Variants in ADAMTSL1 observed in about 807,000 individuals in gnomAD.
The protein encoded by ADAMTSL1 is ADAMTS-like protein 1.
In ADAMTSL1, 126 loss-of-function variants were observed where a neutral mutation model predicts 201.8. The observed-to-expected ratio is 0.62, with a 90% CI of 0.54 to 0.72. The LOEUF (loss-of-function observed/expected upper bound fraction) is 0.72. ADAMTSL1 is among the 30% of genes least tolerant of loss of function. The pLI is 0.00. For missense variants in ADAMTSL1, 2,679 were observed against 2,277.8 expected, an observed-to-expected ratio of 1.18 and a Z score of -3.59; for synonymous variants, 1,121 against 903.4, an observed-to-expected ratio of 1.24 and a Z score of -4.32.
intron 2 of ADAMTSL1, among the ~76,000 whole-genome samples, chr9:18,517,415 T>TA (rs1818420576): frequency 6.7e-6 from 1 of 149,800 alleles, no homozygotes; most frequent in African/African-American, 2.5e-5. Flanking sequence ...TCTTTTTTTT[T>TA]AATTTATTTT....
At chr9:18,051,532 A>T (rs988813043) in intron 1 of ADAMTSL1, among the ~76,000 whole-genome samples, 1 of 151,508 alleles carries the variant, frequency 6.6e-6, no homozygotes, top group Non-Finnish European at 1.5e-5. Flanking sequence ...AAAGATACAG[A>T]CAACTTTTTA....
chr9:18,570,336 C>G (rs1822218194), intron 3 of ADAMTSL1, among the ~76,000 whole-genome samples: 1 of 152,096 alleles, frequency 6.6e-6, no homozygotes, highest in Admixed American at 6.5e-5. Flanking sequence ...AATCTCTATA[C>G]AAATTATTTT....
chr9:18,786,052 C>T (rs1313783728), intron 19 of ADAMTSL1, among the ~76,000 whole-genome samples: 1 of 152,206 alleles, frequency 6.6e-6, no homozygotes, highest in Non-Finnish European at 1.5e-5. Flanking sequence ...AGTCTGTAAG[C>T]TTTTAAGTAA....
chr9:18,089,887 T>C (rs1823932392), intron 1 of ADAMTSL1, among the ~76,000 whole-genome samples: 1 of 152,212 alleles, frequency 6.6e-6, no homozygotes, highest in Admixed American at 6.5e-5. Context: ...AAATCTGTTA[T>C]AAGGGTAGAT....
At position 18,639,391 on chromosome 9, in the gene ADAMTSL1, A is replaced by G; in HGVS notation, c.814A>G (p.Thr272Ala). Residue 272 changes from threonine to alanine, a missense_variant, in exon 7 of 29, where the codon ACA becomes GCA. Physicochemically the swap from Thr to Ala is moderately conservative, Grantham distance 58. Coordinates refer to ENST00000380548, the MANE Select transcript of ADAMTSL1 (RefSeq NM_001040272.6). ...KEILRMAGPL[T>A]ADFIVKIRNS... ...GATACTGAGAATGGCTGGACCACTC[A>G]CAGCAGATTTCATTGTCAAGGTGAG... The G allele has an allele frequency of 6.2e-7, 1 of 1,612,638 alleles. No individual in the cohort carries two copies.
chr9:18,137,957 C>G (rs986505805), intron 1 of ADAMTSL1, among the ~76,000 whole-genome samples: 8 of 152,134 alleles, frequency 5.3e-5, no homozygotes, highest in Non-Finnish European at 1.0e-4. Context: ...TGAAGGATCT[C>G]AAGCTAGGGA....
chr9:18,832,079 C>T (rs1025084614), intron 23 of ADAMTSL1, among the ~76,000 whole-genome samples: 4 of 152,166 alleles, frequency 2.6e-5, no homozygotes, highest in African/African-American at 9.7e-5. Context: ...TGCTTTAAGA[C>T]TGATGACAGG....
At chr9:18,141,241 G>T (rs73422989) in intron 1 of ADAMTSL1, among the ~76,000 whole-genome samples, 7,676 of 152,212 alleles carry the variant, frequency 0.05, 226 homozygotes, top group Middle Eastern at 0.089. Context: ...AGTGAGAAGG[G>T]GAGGAGAGTG....
intron 2 of ADAMTSL1, among the ~76,000 whole-genome samples, chr9:18,209,470 A>G (rs1259340379): frequency 6.6e-6 from 1 of 152,178 alleles, no homozygotes; most frequent in Non-Finnish European, 1.5e-5. Flanking sequence ...AGACCATGGA[A>G]CCAAAACGCA....
At chr9:18,615,335 A>T (rs1328070445) in intron 4 of ADAMTSL1, among the ~76,000 whole-genome samples, 2 of 152,166 alleles carry the variant, frequency 1.3e-5, no homozygotes, top group African/African-American at 4.8e-5. Flanking sequence ...GAGGGGTAGG[A>T]GGTGACCGCA....
At chr9:18,875,370 T>C (rs895922729) in intron 23 of ADAMTSL1, among the ~76,000 whole-genome samples, 1 of 152,174 alleles carries the variant, frequency 6.6e-6, no homozygotes, top group Non-Finnish European at 1.5e-5. Context: ...TCTTTCAGAC[T>C]TTTTAATGTA....
intron 19 of ADAMTSL1, among the ~76,000 whole-genome samples, chr9:18,780,101 C>T (rs1821298677): frequency 6.6e-6 from 1 of 152,298 alleles, no homozygotes; most frequent in African/African-American, 2.4e-5. Context: ...CTGACAATTT[C>T]TTTGAGTGTT....
intron 2 of ADAMTSL1, among the ~76,000 whole-genome samples, chr9:18,276,288 C>T (rs1335012846): frequency 6.6e-6 from 1 of 151,920 alleles, no homozygotes; most frequent in Non-Finnish European, 1.5e-5. Flanking sequence ...TTTATACTAA[C>T]GTGTTGCTTC....
At chr9:18,282,534 T>C (rs1563856116) in intron 2 of ADAMTSL1, among the ~76,000 whole-genome samples, 2 of 152,256 alleles carry the variant, frequency 1.3e-5, no homozygotes, top group South Asian at 4.1e-4. Context: ...TTCAGCTCTT[T>C]AAAATTTATT....
In ADAMTSL1 at chr9:18,445,579, A is replaced by G. The variant is rs939239962; in HGVS notation, c.208-59250A>G. On this transcript the variant is annotated intron_variant, in intron 2 of 29. Coordinates refer to the ADAMTSL1 transcript ENST00000680146. ...CATTTTATTGATGGGTAAACTGAAGACTTAAAAATATTGTGATAAACAAAG... is the reference window on the plus strand; with the variant it reads ...CATTTTATTGATGGGTAAACTGAAGGCTTAAAAATATTGTGATAAACAAAG... Among the ~76,000 whole-genome samples the G allele has an allele frequency of 2.0e-5, 3 of 152,276 alleles. No individual in the cohort carries two copies. The East Asian group carries it at 5.8e-4, about 29-fold the overall frequency.
At chr9:18,227,895 A>G (rs1485013831) in intron 2 of ADAMTSL1, among the ~76,000 whole-genome samples, 2 of 152,198 alleles carry the variant, frequency 1.3e-5, no homozygotes, top group Non-Finnish European at 2.9e-5. Flanking sequence ...AGAGCCTAGA[A>G]GGTGCTCAGA....
intron 3 of ADAMTSL1, among the ~76,000 whole-genome samples, chr9:18,535,644 GA>G (rs1736968490): frequency 6.6e-6 from 1 of 152,048 alleles, no homozygotes; most frequent in Admixed American, 6.5e-5. Context: ...GGGTAATTTG[GA>G]AAAAAGAGAT....
chr9:18,021,081 G>C (rs1172654791), intron 1 of ADAMTSL1, among the ~76,000 whole-genome samples: 2 of 152,118 alleles, frequency 1.3e-5, no homozygotes, highest in African/African-American at 4.8e-5. Context: ...CAGGTGTAAT[G>C]AATCAGGCTC....
In ADAMTSL1 at chr9:17,909,845, C is replaced by T. The variant is rs62547830; in HGVS notation, c.87+2923C>T. Among the ~76,000 whole-genome samples, 14 of 64,436 alleles carry T rather than the reference C, an allele frequency of 2.2e-4. 1 individual carries two copies. Among genetic ancestry groups the T allele is most frequent in the African/African-American group, 4.1e-4 (13 of 32,026 alleles). 42.3% of individuals were successfully genotyped at this position (64,436 alleles called of 152,430 possible). On this transcript the variant is annotated intron_variant, in intron 1 of 29. Transcript: ENST00000680146. The stretch of plus-strand genomic sequence containing the variant: ...GGGGCCTGTTGTGGGGTGGGGGGAC[C>T]GGGGAGGGATAGCATTGGGAGATAT...
Sources: allele counts gnomAD v4.1 joint callset (sites outside exome capture counted in the v4.1 genomes callset), GRCh38; gene constraint gnomAD v4.1.1; transcripts MANE v1.5; gene names NCBI Gene and HGNC (gene_info 2026-07-23, HGNC 2026-07-21).